The following SPATA18 variants were observed in gnomAD, a reference collection of about 807,000 sequenced individuals.
SPATA18 encodes the protein mitochondria-eating protein.
SPATA18 carries 54 observed loss-of-function variants against 68.1 expected under a neutral mutation model. That is an observed-to-expected ratio of 0.79 (90% confidence interval 0.64 to 0.99). SPATA18 has a LOEUF of 0.99. SPATA18 is among the 50% of genes least tolerant of loss of function. SPATA18 has a pLI of 0.00. For synonymous variants in SPATA18, 242 were observed against 244.8 expected (o/e 0.99, Z 0.11); for missense variants, 724 against 681.1 (o/e 1.06, Z -0.70).
rs1738787040 is a variant in SPATA18 at position 52,060,874 on chromosome 4, G to A, written c.286G>A (p.Asp96Asn). The change falls in exon 3 of 13, where the codon GAC becomes AAC. Residue 96 changes from aspartate to asparagine, a missense_variant. Coordinates refer to ENST00000295213, the MANE Select transcript of SPATA18 (RefSeq NM_145263.4). ...FTAASLGKSV[D>N]SKVPSLQDTF... ...TGCTGCTTCCCTGGGAAAATCTGTT[G>A]ACAGCAAGGTCCCCTCTCTGCAGGT... 6.2e-7 allele frequency: 1 copy of A among 1,613,850 alleles called. No homozygotes were observed. The highest frequency in any genetic ancestry group is 1.1e-5 in the South Asian group (1 of 91,058).
chr4:52,089,277 T>C (rs980630185), intron 11 of SPATA18, among the ~76,000 whole-genome samples: 3 of 152,206 alleles, frequency 2.0e-5, no homozygotes, highest in Non-Finnish European at 4.4e-5. Flanking sequence ...TTAATGTCTC[T>C]ATCTCCTTCA....
At chr4:52,070,752 C>A (rs374825381) in intron 5 of SPATA18, among the ~76,000 whole-genome samples, 7 of 151,952 alleles carry the variant, frequency 4.6e-5, no homozygotes, top group African/African-American at 1.7e-4. Flanking sequence ...AAAAACTGAC[C>A]ATATATTAGC....
intron 11 of SPATA18, among the ~76,000 whole-genome samples, chr4:52,092,582 T>C (rs1742069128): frequency 6.6e-6 from 1 of 152,210 alleles, no homozygotes; most frequent in Non-Finnish European, 1.5e-5. Context: ...GGTTCCTCAG[T>C]TGGAAATGCA....
intron 4 of SPATA18, among the ~76,000 whole-genome samples, chr4:52,066,736 T>C (rs1186915572): frequency 2.0e-5 from 3 of 152,174 alleles, no homozygotes; most frequent in Admixed American, 6.5e-5. Context: ...CTCCCACTTA[T>C]GAGTGAGAAC....
chr4:52,063,439 A>T (rs2109428030), intron 4 of SPATA18, among the ~76,000 whole-genome samples: 1 of 152,304 alleles, frequency 6.6e-6, no homozygotes, highest in Admixed American at 6.5e-5. Context: ...TCCAACTGGA[A>T]TCATAATCAA....
In SPATA18 at chr4:52,095,082, A is replaced by G; in HGVS notation, c.*195A>G. On this transcript the variant is annotated 3_prime_UTR_variant, in exon 13 of 13. Coordinates refer to ENST00000295213, the MANE Select transcript of SPATA18 (RefSeq NM_145263.4). Reference sequence around the variant, plus strand: ...CTTTAGATATATTGCATTCTATTTTATTTTATAGATACTAATTCCATTAAT... The same window carrying G: ...CTTTAGATATATTGCATTCTATTTTGTTTTATAGATACTAATTCCATTAAT... 1 of 605,454 alleles carries G rather than the reference A, an allele frequency of 1.7e-6. No homozygotes were observed. The highest frequency in any genetic ancestry group is 3.0e-5 in the Admixed American group (1 of 33,396). 37.5% of individuals were successfully genotyped at this position (605,454 alleles called of 1,614,324 possible).
intron 1 of SPATA18, among the ~76,000 whole-genome samples, chr4:52,058,145 C>A (rs969004096): frequency 6.6e-6 from 1 of 152,194 alleles, no homozygotes; most frequent in Non-Finnish European, 1.5e-5. Flanking sequence ...GCTGTTCAGG[C>A]TATGGGTTTT....
chr4:52,094,639 T>G, intron 12 of SPATA18, 67 bp downstream of exon 12: 2 of 1,487,864 alleles, frequency 1.3e-6, no homozygotes, highest in East Asian at 2.3e-5. Context: ...TACTTAGCAC[T>G]GAGCAGCAAA....
intron 10 of SPATA18, 176 bp downstream of exon 10, chr4:52,082,686 A>G (rs1741053006): frequency 6.9e-7 from 1 of 1,453,468 alleles, no homozygotes; most frequent in African/African-American, 1.4e-5. Context: ...TGATTCTTCC[A>G]TAATTCTGCA....
At chr4:52,070,631 A>G (rs1469210344) in intron 5 of SPATA18, among the ~76,000 whole-genome samples, 1 of 152,124 alleles carries the variant, frequency 6.6e-6, no homozygotes, top group African/African-American at 2.4e-5. Context: ...ACATGTATAC[A>G]TATGTAACTA....
chr4:52,067,879 C>T (rs1373753522), intron 4 of SPATA18, among the ~76,000 whole-genome samples: 1 of 152,158 alleles, frequency 6.6e-6, no homozygotes, highest in African/African-American at 2.4e-5. Context: ...ATCCCCAGTA[C>T]TGAGCATCAT....
intron 12 of SPATA18, 133 bp from the exon 13 acceptor site, chr4:52,094,747 C>T: frequency 7.5e-7 from 1 of 1,341,808 alleles, no homozygotes; most frequent in South Asian, 1.2e-5. Context: ...TCCCATGGGT[C>T]ATGTAGAAGG....
intron 3 of SPATA18, among the ~76,000 whole-genome samples, 186 bp downstream of exon 3, chr4:52,061,083 C>A (rs573075950): frequency 6.6e-6 from 1 of 152,186 alleles, no homozygotes; most frequent in Non-Finnish European, 1.5e-5. Flanking sequence ...CTAGAAAGAG[C>A]GCACATACCT....
chr4:52,060,423 A>G lies in SPATA18; in HGVS notation c.92A>G (p.Asn31Ser), dbSNP rs767294350. 3 of 1,613,948 alleles carry G rather than the reference A, an allele frequency of 1.9e-6. No individual in the cohort carries two copies. Among genetic ancestry groups the G allele is most frequent in the Non-Finnish European group, 2.5e-6 (3 of 1,179,892 alleles). ...TCTACTGTTTTGCCCTTGCAGACAA[A>G]CACGTGTGATCAAAATCTAAACCAT... Reference protein sequence around the residue: ...LDFWLKEYNTNTCDQNLNHCL... With the variant: ...LDFWLKEYNTSTCDQNLNHCL... Residue 31 changes from asparagine to serine, a missense_variant, in exon 2 of 13, where the codon AAC becomes AGC. By Grantham distance (46) the Asn-to-Ser change is conservative. Transcript: ENST00000295213.
chr4:52,059,188 A>G (rs1477202418), intron 1 of SPATA18, among the ~76,000 whole-genome samples: 2 of 152,138 alleles, frequency 1.3e-5, no homozygotes, highest in Non-Finnish European at 2.9e-5. Flanking sequence ...TGTGCTTTTG[A>G]CTTGTAAACT....
Position 52,051,671 on chromosome 4 carries a change from T to C in SPATA18, c.-34T>C, listed in dbSNP as rs1357029195. On this transcript the variant is annotated 5_prime_UTR_variant, in exon 1 of 13. Coordinates refer to ENST00000295213, the MANE Select transcript of SPATA18 (RefSeq NM_145263.4). ...ACCGCCTGGTCCCCCCAAGTCTCCA[T>C]CGCGCAGCGTGGGGCCGAGAGGAAT... 1 of 1,608,650 alleles carries C rather than the reference T, an allele frequency of 6.2e-7. No individual in the cohort carries two copies. The highest frequency in any genetic ancestry group is 1.1e-5 in the South Asian group (1 of 90,988).
chr4:52,076,727 A>G, intron 6 of SPATA18, 52 bp from the exon 7 acceptor site: 1 of 1,594,998 alleles, frequency 6.3e-7, no homozygotes, highest in South Asian at 1.1e-5. Flanking sequence ...TCTTTGCTTT[A>G]CTTAAGAAGC....
chr4:52,060,321 A>G, intron 1 of SPATA18, 98 bp from the exon 2 acceptor site: 1 of 882,408 alleles, frequency 1.1e-6, no homozygotes, highest in Non-Finnish European at 1.8e-6. Context: ...AGCATACCAG[A>G]GCCAGGCAGC....
intron 4 of SPATA18, among the ~76,000 whole-genome samples, chr4:52,067,598 C>T (rs1424721400): frequency 1.3e-5 from 2 of 152,130 alleles, no homozygotes; most frequent in African/African-American, 2.4e-5. Context: ...ATGCCTGGCT[C>T]TTTATTATCC....
Sources: allele counts gnomAD v4.1 joint callset (sites outside exome capture counted in the v4.1 genomes callset), GRCh38; gene constraint gnomAD v4.1.1; transcripts MANE v1.5; gene names NCBI Gene and HGNC (gene_info 2026-07-23, HGNC 2026-07-21).